PEAK1: variants seen among roughly 807,000 people sequenced by gnomAD.
The protein encoded by PEAK1 is inactive tyrosine-protein kinase PEAK1.
Under a neutral mutation model 124.7 loss-of-function variants are expected in PEAK1, and 54 were observed. The observed-to-expected ratio is 0.43, with a 90% CI of 0.35 to 0.54. PEAK1 has a LOEUF of 0.54. PEAK1 is among the 20% of genes least tolerant of loss of function. The pLI is 0.01. For missense variants in PEAK1, 2,046 were observed against 2,134.5 expected (o/e 0.96, Z 0.82); for synonymous variants, 719 against 760.0 (o/e 0.95, Z 0.89).
chr15:77,313,708 A>G lies in PEAK1; in HGVS notation c.-602-27204T>C, dbSNP rs904090298. ...TGTGTGTGTGTATATATATATATGT[A>G]TGTGTGTGTGTGTGTGTGTATATAT... On this transcript the variant is annotated intron_variant, in intron 2 of 9. Transcript: ENST00000682557. Among the ~76,000 whole-genome samples the G allele has an allele frequency of 5.8e-3, 538 of 93,332 alleles. 6 individuals are homozygous for G. Among genetic ancestry groups the G allele is most frequent in the African/African-American group, 0.012 (288 of 23,632 alleles). The allele number at this position is 93,332 out of a possible 152,430, so 61.2% of individuals were successfully genotyped here.
chr15:77,246,210 T>C (rs2060579047), intron 6 of PEAK1, among the ~76,000 whole-genome samples: 2 of 152,166 alleles, frequency 1.3e-5, no homozygotes. Flanking sequence ...GGTTTCATTA[T>C]GTTGGCCAGA....
intron 1 of PEAK1, among the ~76,000 whole-genome samples, chr15:77,381,848 C>T (rs1459384704): frequency 1.3e-5 from 2 of 152,144 alleles, no homozygotes; most frequent in African/African-American, 4.8e-5. Flanking sequence ...AGGGCAAAAA[C>T]AAGAATCTAA....
chr15:77,398,270 C>T (rs1416806404), intron 1 of PEAK1, among the ~76,000 whole-genome samples: 1 of 152,024 alleles, frequency 6.6e-6, no homozygotes, highest in Admixed American at 6.6e-5. Context: ...CCAGTATTAC[C>T]TTGATACCAA....
At chr15:77,231,656 AAAAT>A (rs1200830689) in intron 6 of PEAK1, among the ~76,000 whole-genome samples, 1 of 152,204 alleles carries the variant, frequency 6.6e-6, no homozygotes, top group East Asian at 1.9e-4. Context: ...TCAAATTTGA[AAAAT>A]AAATATAGAT....
chr15:77,330,512 T>A (rs2065831181), intron 2 of PEAK1, among the ~76,000 whole-genome samples: 1 of 152,156 alleles, frequency 6.6e-6, no homozygotes, highest in South Asian at 2.1e-4. Flanking sequence ...GGTCCTCCAT[T>A]TTCACCCCTA....
At chr15:77,191,989 T>A (rs1306759340) in intron 6 of PEAK1, among the ~76,000 whole-genome samples, 1 of 152,176 alleles carries the variant, frequency 6.6e-6, no homozygotes, top group Non-Finnish European at 1.5e-5. Context: ...ACAATCAAGC[T>A]AGCACCAACT....
At chr15:77,270,315 A>G (rs1329262328) in intron 5 of PEAK1, among the ~76,000 whole-genome samples, 1 of 152,136 alleles carries the variant, frequency 6.6e-6, no homozygotes, top group African/African-American at 2.4e-5. Context: ...AGGGTATTCA[A>G]TTAGGAAAAG....
chr15:77,280,568 T>A (rs1026665533), intron 5 of PEAK1, among the ~76,000 whole-genome samples: 181 of 151,748 alleles, frequency 1.2e-3, no homozygotes, highest in Non-Finnish European at 2.3e-3. Flanking sequence ...GATTTCCTTT[T>A]TTTTTTTTTT....
chr15:77,117,617 T>G (rs1425991114), intron 9 of PEAK1, among the ~76,000 whole-genome samples: 1 of 152,198 alleles, frequency 6.6e-6, no homozygotes, highest in African/African-American at 2.4e-5. Context: ...ACAAATTTGA[T>G]AGAGGACAGA....
At chr15:77,374,235 A>G (rs765473831) in intron 1 of PEAK1, among the ~76,000 whole-genome samples, 2 of 152,190 alleles carry the variant, frequency 1.3e-5, no homozygotes, top group Non-Finnish European at 2.9e-5. Flanking sequence ...GAATGAGAAG[A>G]GTCAGTTAAT....
downstream of PEAK1, chr15:77,104,681 T>A (rs1487949021): frequency 6.6e-6 from 1 of 152,062 alleles, no homozygotes; most frequent in African/African-American, 2.4e-5. Context: ...GATACTGGGG[T>A]GACAGCTAGA....
At chr15:77,189,125 T>C (rs1446601826) in intron 6 of PEAK1, among the ~76,000 whole-genome samples, 2 of 152,068 alleles carry the variant, frequency 1.3e-5, no homozygotes, top group East Asian at 3.9e-4. Context: ...CACTTGAACC[T>C]GGGAGGGGGA....
intron 2 of PEAK1, among the ~76,000 whole-genome samples, chr15:77,289,769 G>T (rs886242747): frequency 5.3e-5 from 8 of 152,038 alleles, no homozygotes; most frequent in African/African-American, 1.9e-4. Flanking sequence ...CCCGGGAGGC[G>T]AAGGTTACAG....
chr15:77,250,475 C>T (rs1210908654), intron 6 of PEAK1, among the ~76,000 whole-genome samples: 1 of 151,636 alleles, frequency 6.6e-6, no homozygotes, highest in Non-Finnish European at 1.5e-5. Context: ...CTCTGCTGCC[C>T]AGACTGGAGT....
chr15:77,331,216 G>A (rs886176697), intron 2 of PEAK1: 1 of 186,342 alleles, frequency 5.4e-6, no homozygotes, highest in Non-Finnish European at 1.0e-5. Context: ...TGCAACCTCC[G>A]CTTCCTGGGC....
intron 2 of PEAK1, among the ~76,000 whole-genome samples, chr15:77,290,843 A>G (rs920524608): frequency 7.9e-5 from 12 of 152,224 alleles, no homozygotes; most frequent in Middle Eastern, 3.2e-3. Flanking sequence ...TACCTTAGTT[A>G]GAAGACTACA....
intron 2 of PEAK1, among the ~76,000 whole-genome samples, chr15:77,321,293 C>T (rs140411403): frequency 6.6e-6 from 1 of 152,164 alleles, no homozygotes; most frequent in African/African-American, 2.4e-5. Context: ...AAAAGTGTTC[C>T]TATTTCTCCA....
chr15:77,220,435 T>G (rs546046821), intron 6 of PEAK1, among the ~76,000 whole-genome samples: 1 of 150,602 alleles, frequency 6.6e-6, no homozygotes, highest in Admixed American at 6.7e-5. Flanking sequence ...GATAGGTATA[T>G]GAGAAATTAC....
intron 5 of PEAK1, among the ~76,000 whole-genome samples, chr15:77,253,245 T>TGGGG (rs59178188): frequency 3.9e-4 from 51 of 129,858 alleles, no homozygotes; most frequent in Non-Finnish European, 7.8e-4. Context: ...TGGTATGCGT[T>TGGGG]GGGGGGGGGG....
Sources: gnomAD v4.1 joint callset for allele counts (sites outside exome capture counted in the v4.1 genomes callset) on GRCh38, gnomAD v4.1.1 for gene constraint, MANE v1.5 for transcripts, NCBI Gene and HGNC (gene_info 2026-07-23, HGNC 2026-07-21) for gene names.